Variants in RELCH observed in about 807,000 individuals in gnomAD.
The protein encoded by RELCH is RAB11 binding and LisH domain, coiled-coil and HEAT repeat containing.
In RELCH, 41 loss-of-function variants were observed where a neutral mutation model predicts 150.3. The observed-to-expected ratio is 0.27, with a 90% CI of 0.21 to 0.35. The LOEUF (loss-of-function observed/expected upper bound fraction) is 0.35, where lower values mean the gene tolerates loss of function less well. Ranked by LOEUF, RELCH falls within the 10% of genes least tolerant of loss-of-function variation. RELCH has a pLI of 1.00. For missense variants in RELCH, 1,092 were observed against 1,467.8 expected (o/e 0.74, Z 4.18); for synonymous variants, 478 against 531.8 (o/e 0.90, Z 1.39).
chr18:62,216,394 T>A (rs2040479408), intron 2 of RELCH, among the ~76,000 whole-genome samples: 1 of 152,138 alleles, frequency 6.6e-6, no homozygotes, highest in Non-Finnish European at 1.5e-5. Context: ...ACAAGATCCA[T>A]CTTTTAGCAT....
At chr18:62,291,953 ATT>A (rs1223561332) in intron 27 of RELCH, among the ~76,000 whole-genome samples, 4 of 152,052 alleles carry the variant, frequency 2.6e-5, no homozygotes, top group Non-Finnish European at 4.4e-5. Flanking sequence ...TGCAGTTTCT[ATT>A]TTCCATCTTC....
At chr18:62,283,034 G>A (rs2144967335) in intron 25 of RELCH, among the ~76,000 whole-genome samples, 1 of 152,310 alleles carries the variant, frequency 6.6e-6, no homozygotes, top group African/African-American at 2.4e-5. Flanking sequence ...CATATGAAGA[G>A]TAACTCAAAC....
chr18:62,299,093 A>G (rs1243319691), intron 28 of RELCH, among the ~76,000 whole-genome samples: 1 of 152,144 alleles, frequency 6.6e-6, no homozygotes, highest in East Asian at 1.9e-4. Flanking sequence ...GCCTTCTCTC[A>G]ATATTCTCAG....
intron 10 of RELCH, among the ~76,000 whole-genome samples, chr18:62,242,839 A>AGTGTGT (rs150207317): frequency 6.6e-6 from 1 of 151,442 alleles, no homozygotes; most frequent in East Asian, 1.9e-4. Context: ...CTACATTTTA[A>AGTGTGT]GTGTGTGTGT....
intron 8 of RELCH, among the ~76,000 whole-genome samples, chr18:62,230,224 AG>A (rs946841214): frequency 1.1e-4 from 17 of 152,180 alleles, no homozygotes; most frequent in Non-Finnish European, 2.1e-4. Flanking sequence ...GCTACTCAGG[AG>A]GCTGAGATGG....
At chr18:62,211,057 C>T in intron 1 of RELCH, 96 bp from the exon 2 acceptor site, 1 of 599,078 alleles carries the variant, frequency 1.7e-6, no homozygotes, top group Non-Finnish European at 2.8e-6. Context: ...CTTAGAATTC[C>T]AGGTTTATTA....
chr18:62,208,966 C>T (rs938470286), intron 1 of RELCH, among the ~76,000 whole-genome samples: 1 of 152,150 alleles, frequency 6.6e-6, no homozygotes, highest in Admixed American at 6.5e-5. Flanking sequence ...CTAGAGGATG[C>T]CGGAATTCCT....
chr18:62,299,594 A>G (rs2045576009), intron 28 of RELCH, among the ~76,000 whole-genome samples: 1 of 152,164 alleles, frequency 6.6e-6, no homozygotes, highest in African/African-American at 2.4e-5. Context: ...CCCTTACTTT[A>G]TAAAGCCTCT....
chr18:62,252,294 G>A (rs528921696), intron 11 of RELCH, among the ~76,000 whole-genome samples: 64 of 151,664 alleles, frequency 4.2e-4, no homozygotes, highest in South Asian at 1.9e-3. Flanking sequence ...CTACTGCACC[G>A]GGCCAAAAGG....
rs950520625 is a variant in RELCH, at chr18:62,261,503, T to A, written c.2203-8T>A. On this transcript the variant is annotated splice_polypyrimidine_tract_variant and splice_region_variant and intron_variant, in intron 15 of 28. Coordinates refer to ENST00000644646, the MANE Select transcript of RELCH (RefSeq NM_001346231.2). The stretch of plus-strand genomic sequence containing the variant: ...ACTAAAATTAGCTTCCACCTCCTTA[T>A]GTTTCAGGAAGGAGAACATGGACTG... 1.2e-6 allele frequency: 2 copies of A among 1,609,666 alleles called. No homozygotes were observed. The highest frequency in any genetic ancestry group is 2.7e-5 in the African/African-American group (2 of 74,704).
At chr18:62,258,453 G>C in intron 14 of RELCH, 59 bp from the exon 15 acceptor site, 3 of 1,353,046 alleles carry the variant, frequency 2.2e-6, no homozygotes, top group Non-Finnish European at 3.1e-6. Flanking sequence ...TTTTTATTAA[G>C]TGTTTTATTT....
chr18:62,276,410 T>C (rs2044210892), intron 22 of RELCH, among the ~76,000 whole-genome samples: 1 of 152,156 alleles, frequency 6.6e-6, no homozygotes, highest in African/African-American at 2.4e-5. Flanking sequence ...AAACAGTCTC[T>C]GGAACATAAT....
At position 62,303,309 on chromosome 18, in the gene RELCH, C is replaced by T. The variant is rs573041549; in HGVS notation, c.3531-2105C>T. On this transcript the variant is annotated intron_variant, in intron 28 of 28. Transcript: ENST00000644646. ...ACTATGATGTGTATCAGTAGACCTA[C>T]GCAGATATATACACCCCTGCAGATA... Among the ~76,000 whole-genome samples, 12 of 152,220 alleles carry T rather than the reference C, an allele frequency of 7.9e-5. No individual in the cohort carries two copies. The South Asian group carries it at 1.5e-3, about 18-fold the overall frequency.
chr18:62,232,927 T>C (rs1184210789), intron 10 of RELCH, among the ~76,000 whole-genome samples: 2 of 152,078 alleles, frequency 1.3e-5, no homozygotes, highest in African/African-American at 4.8e-5. Context: ...AAATCACATT[T>C]CTCTTATAAT....
At chr18:62,226,194 T>G (rs1386505739) in intron 5 of RELCH, among the ~76,000 whole-genome samples, 2 of 152,060 alleles carry the variant, frequency 1.3e-5, no homozygotes, top group Admixed American at 1.3e-4. Context: ...AATTATGATA[T>G]ATTAAAGGAA....
At chr18:62,298,655 A>T (rs1401543845) in intron 27 of RELCH, 135 bp from the exon 28 acceptor site, 1 of 563,876 alleles carries the variant, frequency 1.8e-6, no homozygotes, top group Non-Finnish European at 3.2e-6. Context: ...GAATTCCTTT[A>T]ACAAAGTAAC....
chr18:62,291,682 A>G (rs2045147183), intron 27 of RELCH, 51 bp downstream of exon 27: 1 of 1,174,220 alleles, frequency 8.5e-7, no homozygotes, highest in Non-Finnish European at 1.3e-6. Flanking sequence ...TACCTCATAT[A>G]TAGACTTGCA....
At chr18:62,193,990 A>G (rs896120209) in intron 1 of RELCH, among the ~76,000 whole-genome samples, 8 of 150,378 alleles carry the variant, frequency 5.3e-5, no homozygotes, top group African/African-American at 2.0e-4. Flanking sequence ...TCACACCTGT[A>G]ATCCCAGCAC....
Position 62,258,660 on chromosome 18 carries a change from T to C in RELCH, c.2186T>C (p.Ile729Thr), listed in dbSNP as rs777741251. ...CTTATACTTACACTACTGAACAAGA[T>C]TGAAAAACTTCTCAGGGTAAGTTCT... ...SHLILTLLNK[I>T]EKLLREGEHG... Residue 729 changes from isoleucine (I) to threonine (T), a missense_variant, in exon 15 of 29, where the codon ATT becomes ACT. Around this residue, in one of 4 missense-constraint regions of RELCH, gnomAD observed 707 missense variants for 1,025.4 expected, o/e 0.69. Transcript: ENST00000644646. 3.8e-5 allele frequency: 60 copies of C among 1,585,864 alleles called. No homozygotes were observed. Among genetic ancestry groups the C allele is most frequent in the Middle Eastern group, 3.3e-4 (2 of 5,990 alleles).
Sources: allele counts gnomAD v4.1 joint callset (sites outside exome capture counted in the v4.1 genomes callset), GRCh38; gene constraint gnomAD v4.1.1; regional missense constraint gnomAD v4.1.1; transcripts MANE v1.5; gene names NCBI Gene and HGNC (gene_info 2026-07-23, HGNC 2026-07-21).